The following PIBF1 variants were observed in gnomAD, a reference collection of about 807,000 sequenced individuals.
PIBF1 encodes the protein progesterone-induced-blocking factor 1.
A neutral mutation model predicts 112.5 loss-of-function variants in PIBF1; 90 were observed. That is an observed-to-expected ratio of 0.80 (90% CI 0.67 to 0.95). The LOEUF is 0.95. Ranked by LOEUF, PIBF1 falls within the 40% of genes least tolerant of loss-of-function variation. PIBF1 has a pLI of 0.00. For missense variants in PIBF1, 915 were observed against 852.3 expected, an observed-to-expected ratio of 1.07 and a Z score of -0.92; for synonymous variants, 301 against 288.6, an observed-to-expected ratio of 1.04 and a Z score of -0.44.
At chr13:73,013,484 C>T (rs1478693160) in intron 17 of PIBF1, among the ~76,000 whole-genome samples, 12 of 151,302 alleles carry the variant, frequency 7.9e-5, no homozygotes, top group South Asian at 4.2e-4. Context: ...TATACTTAGG[C>T]ATATCATTTG....
chr13:72,874,187 T>G (rs912849061), intron 10 of PIBF1, among the ~76,000 whole-genome samples: 1 of 152,152 alleles, frequency 6.6e-6, no homozygotes, highest in Non-Finnish European at 1.5e-5. Context: ...GTCAAACAGT[T>G]TGACAGTTTT....
At chr13:72,793,674 CAT>C (rs1200000588) in intron 3 of PIBF1, among the ~76,000 whole-genome samples, 1 of 152,062 alleles carries the variant, frequency 6.6e-6, no homozygotes, top group Non-Finnish European at 1.5e-5. Flanking sequence ...AGCTGATGGT[CAT>C]AAAAAATGGT....
chr13:72,802,259 T>C (rs1382035131), intron 5 of PIBF1, among the ~76,000 whole-genome samples: 1 of 152,188 alleles, frequency 6.6e-6, no homozygotes, highest in East Asian at 1.9e-4. Context: ...TAGTAGACCG[T>C]CAACAAATGT....
intron 16 of PIBF1, among the ~76,000 whole-genome samples, chr13:72,989,506 T>G (rs905572917): frequency 1.3e-5 from 2 of 152,170 alleles, no homozygotes; most frequent in Admixed American, 6.5e-5. Flanking sequence ...ATGATTCCAC[T>G]GATGTGAACT....
intron 11 of PIBF1, among the ~76,000 whole-genome samples, chr13:72,903,097 C>T (rs1434230303): frequency 6.6e-6 from 1 of 151,840 alleles, no homozygotes; most frequent in Non-Finnish European, 1.5e-5. Context: ...GAGGTTTCAC[C>T]ATGTTGGCCA....
intron 11 of PIBF1, among the ~76,000 whole-genome samples, chr13:72,896,003 T>C (rs2040268085): frequency 6.6e-6 from 1 of 152,070 alleles, no homozygotes; most frequent in South Asian, 2.1e-4. Flanking sequence ...GACTGTTGGC[T>C]TTCCCCCATT....
intron 16 of PIBF1, among the ~76,000 whole-genome samples, chr13:72,981,302 A>T (rs2043151654): frequency 6.6e-6 from 1 of 151,156 alleles, no homozygotes; most frequent in Non-Finnish European, 1.5e-5. Context: ...TAAAAATAAA[A>T]AAAAGCTTTT....
At chr13:72,915,629 TAG>T (rs2041062045) in intron 12 of PIBF1, among the ~76,000 whole-genome samples, 1 of 152,304 alleles carries the variant, frequency 6.6e-6, no homozygotes, top group African/African-American at 2.4e-5. Context: ...CTAGTTCCAG[TAG>T]AGCTTATTTG....
At chr13:72,907,753 A>G (rs1380076080) in intron 11 of PIBF1, among the ~76,000 whole-genome samples, 1 of 152,092 alleles carries the variant, frequency 6.6e-6, no homozygotes. Context: ...ATACCACTCC[A>G]TAATTTAGTC....
chr13:72,871,876 G>A (rs1370437373), intron 10 of PIBF1, among the ~76,000 whole-genome samples: 2 of 151,976 alleles, frequency 1.3e-5, no homozygotes, highest in South Asian at 2.1e-4. Context: ...TCATGGTAAG[G>A]GAATGCTTAT....
chr13:72,990,074 C>T (rs992581548), intron 16 of PIBF1, among the ~76,000 whole-genome samples: 1 of 151,380 alleles, frequency 6.6e-6, no homozygotes, highest in Non-Finnish European at 1.5e-5. Flanking sequence ...ATTAGCTGGG[C>T]GTGGTGGTGC....
intron 14 of PIBF1, among the ~76,000 whole-genome samples, chr13:72,952,745 G>T (rs2042336302): frequency 6.7e-6 from 1 of 149,428 alleles, no homozygotes; most frequent in Admixed American, 6.7e-5. Flanking sequence ...CTTAGTTGTA[G>T]AGAATCTTTG....
rs374346124 is a variant in PIBF1, at chr13:72,997,372, A to G, written c.2050-1450A>G. On this transcript the variant is annotated intron_variant, in intron 16 of 17. Coordinates refer to ENST00000326291, the MANE Select transcript of PIBF1 (RefSeq NM_006346.4). ...AATGAAACAACATAATCTTGAAAGC[A>G]AAAAGAGTCCCCAAATGGCCCAGAT... Among the ~76,000 whole-genome samples, 120 of 152,340 alleles carry G rather than the reference A, an allele frequency of 7.9e-4. 1 individual carries two copies. Among genetic ancestry groups the G allele is most frequent in the African/African-American group, 2.9e-3 (120 of 41,576 alleles).
At chr13:72,843,445 C>G (rs993361353) in intron 9 of PIBF1, among the ~76,000 whole-genome samples, 3 of 152,180 alleles carry the variant, frequency 2.0e-5, no homozygotes, top group Admixed American at 2.0e-4. Context: ...GAGTTTTGCT[C>G]TTGTCGTCCA....
At chr13:72,871,408 C>T (rs1349619341) in intron 10 of PIBF1, among the ~76,000 whole-genome samples, 52 of 152,064 alleles carry the variant, frequency 3.4e-4, no homozygotes, top group Admixed American at 3.4e-3. Context: ...CGGGTTCGAG[C>T]AATTCTCCTG....
intron 17 of PIBF1, among the ~76,000 whole-genome samples, chr13:73,012,966 G>A (rs1451514245): frequency 2.0e-5 from 3 of 151,430 alleles, no homozygotes; most frequent in Non-Finnish European, 4.4e-5. Context: ...AATATCCAAG[G>A]ACTAAAGGAT....
chr13:72,934,620 G>A (rs772246332), intron 14 of PIBF1, among the ~76,000 whole-genome samples: 4 of 152,140 alleles, frequency 2.6e-5, no homozygotes, highest in Admixed American at 6.5e-5. Context: ...TTACCATTGA[G>A]TTAAACACTA....
At chr13:72,802,785 CAGGATGAGATTACCAA>C (rs2035546432) in intron 5 of PIBF1, among the ~76,000 whole-genome samples, 1 of 152,020 alleles carries the variant, frequency 6.6e-6, no homozygotes, top group Non-Finnish European at 1.5e-5. Flanking sequence ...TATTTAAAGC[CAGGATGAGATTACCAA>C]AGGAGAGTGA....
At chr13:72,859,000 A>G (rs2038571942) in intron 10 of PIBF1, among the ~76,000 whole-genome samples, 1 of 152,134 alleles carries the variant, frequency 6.6e-6, no homozygotes, top group Admixed American at 6.5e-5. Flanking sequence ...CTTTAAGCAA[A>G]TTACTTGACT....
Sources: gnomAD v4.1 joint callset for allele counts (sites outside exome capture counted in the v4.1 genomes callset) on GRCh38, gnomAD v4.1.1 for gene constraint, MANE v1.5 for transcripts, NCBI Gene and HGNC (gene_info 2026-07-23, HGNC 2026-07-21) for gene names.